ATP13A5: variants seen among roughly 807,000 people sequenced by gnomAD.
ATP13A5 encodes the protein probable cation-transporting ATPase 13A5.
In ATP13A5, 149 loss-of-function variants were observed where a neutral mutation model predicts 150.2. The observed-to-expected ratio is 0.99, with a 90% CI of 0.87 to 1.14. The LOEUF (loss-of-function observed/expected upper bound fraction) is 1.14, where lower values mean the gene tolerates loss of function less well. Ranked by LOEUF, ATP13A5 falls within the 50% of genes most tolerant of loss-of-function variation. The pLI is 0.00. For synonymous variants in ATP13A5, 497 were observed against 522.2 expected (o/e 0.95, Z 0.66); for missense variants, 1,383 against 1,449.3 (o/e 0.95, Z 0.74).
intron 6 of ATP13A5, 138 bp from the exon 7 acceptor site, chr3:193,351,339 C>T (rs1055708992): frequency 4.8e-6 from 5 of 1,038,862 alleles, no homozygotes; most frequent in Non-Finnish European, 4.2e-6. Flanking sequence ...TCACTTAGAT[C>T]TCTATTGATT....
At chr3:193,351,337 A>G in intron 6 of ATP13A5, 136 bp from the exon 7 acceptor site, 3 of 1,043,974 alleles carry the variant, frequency 2.9e-6, no homozygotes, top group Non-Finnish European at 4.2e-6. Flanking sequence ...ATTCACTTAG[A>G]TCTCTATTGA....
intron 9 of ATP13A5, 59 bp from the exon 10 acceptor site, chr3:193,335,158 T>A: frequency 6.6e-7 from 1 of 1,513,220 alleles, no homozygotes; most frequent in Non-Finnish European, 9.1e-7. Context: ...TCAGAACTGG[T>A]GCATGCCAGT....
intron 28 of ATP13A5, 134 bp downstream of exon 28, chr3:193,279,232 C>G: frequency 6.1e-6 from 4 of 659,714 alleles, no homozygotes; most frequent in Admixed American, 2.9e-5. Context: ...CTTATTTGCC[C>G]TTCTAGTATA....
At position 193,351,179 on chromosome 3, in the gene ATP13A5, A is replaced by G. The variant is rs751292887; in HGVS notation, c.629T>C (p.Phe210Ser). The G allele has an allele frequency of 6.2e-7, 1 of 1,613,802 alleles. No individual in the cohort carries two copies. The change falls in exon 7 of 30, where the codon TTC becomes TCC. Residue 210 changes from phenylalanine to serine, a missense_variant. Physicochemically the swap from Phe to Ser is radical, Grantham distance 155 (BLOSUM62 -2). This residue lies in a region of ATP13A5 where 787 missense variants were observed against 771.9 expected (regional missense o/e 1.02). Transcript: ENST00000342358. The part of the protein sequence containing the change: ...VKQVLNPFYV[F>S]QAFTLTLWLS... ...CCACAAAGTTAGGGTGAAGGCTTGG[A>G]ACACATAGAATGGATTTAAAACCTG... is the stretch of plus-strand genomic sequence containing the variant.
At chr3:193,305,517 G>C in intron 23 of ATP13A5, 42 bp downstream of exon 23, 4 of 1,435,908 alleles carry the variant, frequency 2.8e-6, no homozygotes, top group Non-Finnish European at 3.9e-6. Flanking sequence ...CCAGACAATG[G>C]GCCCATTGAT....
intron 9 of ATP13A5, among the ~76,000 whole-genome samples, chr3:193,342,228 A>G (rs1335440210): frequency 6.6e-6 from 1 of 152,212 alleles, no homozygotes; most frequent in African/African-American, 2.4e-5. Flanking sequence ...ACTTCTATCT[A>G]TGCAAAGGAC....
intron 1 of ATP13A5, among the ~76,000 whole-genome samples, chr3:193,364,840 C>T (rs572679713): frequency 6.6e-5 from 10 of 152,202 alleles, no homozygotes; most frequent in Non-Finnish European, 8.8e-5. Flanking sequence ...AGGAATTACT[C>T]GTGGATATGA....
intron 7 of ATP13A5, among the ~76,000 whole-genome samples, chr3:193,347,750 TC>T (rs1334924038): frequency 6.6e-6 from 1 of 152,130 alleles, no homozygotes; most frequent in African/African-American, 2.4e-5. Flanking sequence ...GGACGTCCAC[TC>T]CGGTTTTCTA....
intron 29 of ATP13A5, among the ~76,000 whole-genome samples, chr3:193,275,730 T>G (rs572402461): frequency 6.6e-6 from 1 of 152,374 alleles, no homozygotes; most frequent in Admixed American, 6.5e-5. Context: ...TTATTGGTTT[T>G]CATTTTTTGA....
intron 19 of ATP13A5, chr3:193,313,430 G>A (rs1003517556): frequency 2.6e-5 from 4 of 152,160 alleles, no homozygotes; most frequent in Admixed American, 6.6e-5. Flanking sequence ...TTTAGTGATG[G>A]AATGTAAGGC....
intron 5 of ATP13A5, among the ~76,000 whole-genome samples, chr3:193,358,068 G>A (rs968958220): frequency 1.3e-5 from 2 of 152,118 alleles, no homozygotes; most frequent in Non-Finnish European, 2.9e-5. Context: ...AGTCCTCAAG[G>A]AGGAAGGAAG....
chr3:193,357,857 G>A (rs1218858238), intron 5 of ATP13A5, among the ~76,000 whole-genome samples: 1 of 152,212 alleles, frequency 6.6e-6, no homozygotes, highest in African/African-American at 2.4e-5. Context: ...CTCCAACCCT[G>A]AGATATCAGT....
At chr3:193,372,386 C>T (rs1713478972) in intron 1 of ATP13A5, 1 of 154,496 alleles carries the variant, frequency 6.5e-6, no homozygotes, top group African/African-American at 2.4e-5. Flanking sequence ...TCCACAGCAG[C>T]CTCTCAACTC....
chr3:193,280,165 T>C (rs899115344), intron 27 of ATP13A5, among the ~76,000 whole-genome samples: 1 of 151,892 alleles, frequency 6.6e-6, no homozygotes, highest in Non-Finnish European at 1.5e-5. Flanking sequence ...ATTCTCCTGC[T>C]TCAGCCTCCC....
In ATP13A5 at chr3:193,313,712, C is replaced by T. The variant is rs146284293; in HGVS notation, c.2319+321G>A. 4.8e-3 allele frequency: 1,040 copies of T among 215,108 alleles called. 13 individuals carry two copies. Among genetic ancestry groups the T allele is most frequent in the African/African-American group, 0.02 (864 of 43,938 alleles). 13.3% of individuals were successfully genotyped at this position (215,108 alleles called of 1,614,324 possible). On this transcript the variant is annotated intron_variant, in intron 19 of 29. Coordinates refer to ENST00000342358, the MANE Select transcript of ATP13A5 (RefSeq NM_198505.4). ...AATTGCATAGGGTTATTTTAATGACCAAGTGGAAAATATGAGTATAAATCA... is the reference window on the plus strand; with the variant it reads ...AATTGCATAGGGTTATTTTAATGACTAAGTGGAAAATATGAGTATAAATCA...
At chr3:193,284,718 G>A (rs147525246) in intron 27 of ATP13A5, among the ~76,000 whole-genome samples, 196 bp downstream of exon 27, 1 of 152,276 alleles carries the variant, frequency 6.6e-6, no homozygotes, top group African/African-American at 2.4e-5. Flanking sequence ...GTTAAATAAT[G>A]TCTGTGCTTA....
rs567469271 is a variant in ATP13A5 at position 193,303,548 on chromosome 3, GTATGTATA to G, written c.2678+2003_2678+2010del. On this transcript the variant is annotated intron_variant, in intron 23 of 29. Transcript: ENST00000342358. ...TGTATGTGTGTGTATATATGTTAATGTATGTATATATGTATATATGTAAAGGAGATATT... is the reference window on the plus strand; with the variant it reads ...TGTATGTGTGTGTATATATGTTAATGTATGTATATATGTAAAGGAGATATT... Among the ~76,000 whole-genome samples the G allele has an allele frequency of 5.3e-5, 8 of 152,094 alleles. No homozygotes were observed. The East Asian group carries it at 1.4e-3, about 26-fold the overall frequency.
At chr3:193,309,624 G>T (rs1400932521) in intron 21 of ATP13A5, among the ~76,000 whole-genome samples, 1 of 152,208 alleles carries the variant, frequency 6.6e-6, no homozygotes, top group Admixed American at 6.5e-5. Flanking sequence ...CATCCGTCTT[G>T]TGTGCTCTGT....
In ATP13A5 at chr3:193,311,919, T is replaced by C; in HGVS notation, c.2342A>G (p.Asn781Ser). 6.2e-7 allele frequency: 1 copy of C among 1,613,880 alleles called. No individual in the cohort carries two copies. The highest frequency in any genetic ancestry group is 8.5e-7 in the Non-Finnish European group (1 of 1,179,838). Reference protein sequence around the residue: ...GKKEIYMHTGNSSTPRGEGGS... With the variant: ...GKKEIYMHTGSSSTPRGEGGS... ...TCCTTCCCCACGAGGGGTTGAACTG[T>C]TTCCAGTATGCATGTAGATTTCCTA... Residue 781 changes from asparagine to serine, a missense_variant, in exon 20 of 30, where the codon AAC (asparagine) becomes AGC (serine). Coordinates refer to ENST00000342358, the MANE Select transcript of ATP13A5 (RefSeq NM_198505.4).
Sources: gnomAD v4.1 joint callset for allele counts (sites outside exome capture counted in the v4.1 genomes callset) on GRCh38, gnomAD v4.1.1 for gene constraint, gnomAD v4.1.1 regional missense constraint, MANE v1.5 for transcripts, NCBI Gene and HGNC (gene_info 2026-07-23, HGNC 2026-07-21) for gene names.